CREB1: variants seen among roughly 807,000 people sequenced by gnomAD.
CREB1 encodes cAMP responsive element binding protein 1.
A neutral mutation model predicts 42.0 loss-of-function variants in CREB1; 2 were observed. The observed-to-expected ratio is 0.05, with a 90% CI of 0.02 to 0.15. The LOEUF (loss-of-function observed/expected upper bound fraction) is 0.15. Ranked by LOEUF, CREB1 falls within the 10% of genes least tolerant of loss-of-function variation. The probability of loss-of-function intolerance (pLI) is 1.00; values close to 1 mark genes in which losing one functional copy is unlikely to be tolerated. For synonymous variants in CREB1, 123 were observed against 139.9 expected, an observed-to-expected ratio of 0.88 and a Z score of 0.85; for missense variants, 199 against 388.9, an observed-to-expected ratio of 0.51 and a Z score of 4.11.
At chr2:207,571,552 T>A (rs1257816539) in intron 5 of CREB1, among the ~76,000 whole-genome samples, 1 of 152,192 alleles carries the variant, frequency 6.6e-6, no homozygotes, top group Non-Finnish European at 1.5e-5. Flanking sequence ...CTGTGCTCAA[T>A]TAGCTTAGTC....
Position 207,596,901 on chromosome 2 carries a change from C to CT in CREB1, c.840-9dup, listed in dbSNP as rs750928903. ...TCATTTGCATAATTTTTCCCGTCCT[C>CT]TTTTGCTTGTAGGGAAGCAGCTCGA... On this transcript the variant is annotated splice_polypyrimidine_tract_variant and intron_variant, in intron 7 of 7. Coordinates refer to ENST00000353267, the MANE Select transcript of CREB1 (RefSeq NM_004379.5). The CT allele has an allele frequency of 6.3e-7, 1 of 1,596,672 alleles. No homozygotes were observed. Among genetic ancestry groups the CT allele is most frequent in the Non-Finnish European group, 8.5e-7 (1 of 1,175,686 alleles).
intron 4 of CREB1, among the ~76,000 whole-genome samples, chr2:207,569,675 A>G (rs1370598645): frequency 6.6e-6 from 1 of 151,338 alleles, no homozygotes; most frequent in Non-Finnish European, 1.5e-5. Flanking sequence ...TTGTTTTTGT[A>G]CATATTTGGG....
intron 7 of CREB1, among the ~76,000 whole-genome samples, chr2:207,584,450 C>G (rs561973052): frequency 5.3e-5 from 8 of 152,284 alleles, no homozygotes; most frequent in African/African-American, 1.7e-4. Flanking sequence ...GTCACCCAGG[C>G]TGGAGTGCAG....
chr2:207,559,241 CTG>C, intron 2 of CREB1: 3 of 932,150 alleles, frequency 3.2e-6, no homozygotes, highest in Non-Finnish European at 3.8e-6. Context: ...GCTTGAAATT[CTG>C]TGACTCTTCC....
chr2:207,530,597 G>A lies in CREB1; in HGVS notation c.-9+463G>A, dbSNP rs569189154. 2.7e-5 allele frequency among the ~76,000 whole-genome samples: 4 copies of A among 147,906 alleles called. No homozygotes were observed. The South Asian group carries it at 8.3e-4, about 31-fold the overall frequency. On this transcript the variant is annotated intron_variant, in intron 1 of 7. Coordinates refer to ENST00000353267, the MANE Select transcript of CREB1 (RefSeq NM_004379.5). ...CTCGCTCGTCCGGCCCCCGCCGCCC[G>A]CCTCGCCCCCGGCCCGACCCGGCCG...
chr2:207,565,038 G>T (rs1444635579), intron 3 of CREB1, among the ~76,000 whole-genome samples: 1 of 144,854 alleles, frequency 6.9e-6, no homozygotes, highest in Admixed American at 6.9e-5. Context: ...GGTCCAGTAT[G>T]TTTTTTTTTT....
chr2:207,584,022 T>C (rs1190987671), intron 7 of CREB1, among the ~76,000 whole-genome samples: 2 of 152,240 alleles, frequency 1.3e-5, no homozygotes, highest in South Asian at 2.1e-4. Flanking sequence ...TTGGGACTTA[T>C]CCCAGATAAT....
At chr2:207,588,741 T>TGTG (rs1559069651) in intron 7 of CREB1, among the ~76,000 whole-genome samples, 5 of 137,760 alleles carry the variant, frequency 3.6e-5, no homozygotes, top group Non-Finnish European at 8.1e-5. Context: ...TTTTTTTTTT[T>TGTG]TGTGTGTGGG....
intron 7 of CREB1, 112 bp downstream of exon 7, chr2:207,577,767 T>A (rs1211884770): frequency 7.4e-7 from 1 of 1,346,874 alleles, no homozygotes; most frequent in Non-Finnish European, 1.0e-6. Context: ...GAATTTTTTT[T>A]TTCCAGCAGA....
intron 7 of CREB1, among the ~76,000 whole-genome samples, chr2:207,585,625 T>C (rs1288109931): frequency 6.6e-6 from 1 of 152,110 alleles, no homozygotes; most frequent in African/African-American, 2.4e-5. Flanking sequence ...TTGAAAATAA[T>C]GATCTTAAGA....
chr2:207,538,184 T>C (rs2080951286), intron 1 of CREB1, among the ~76,000 whole-genome samples: 1 of 152,200 alleles, frequency 6.6e-6, no homozygotes, highest in Non-Finnish European at 1.5e-5. Context: ...TATTATATTT[T>C]GCCCAGATGT....
intron 7 of CREB1, among the ~76,000 whole-genome samples, chr2:207,584,602 A>G (rs1261484968): frequency 6.6e-6 from 1 of 152,112 alleles, no homozygotes; most frequent in Non-Finnish European, 1.5e-5. Flanking sequence ...GGGTTTCGCC[A>G]TGTTGGCCAG....
chr2:207,591,448 A>G (rs2085008217), intron 7 of CREB1, among the ~76,000 whole-genome samples: 1 of 152,134 alleles, frequency 6.6e-6, no homozygotes, highest in Admixed American at 6.6e-5. Context: ...GTTTGTTGAG[A>G]CAGAATCTTG....
chr2:207,551,911 G>A (rs868424773), intron 1 of CREB1, among the ~76,000 whole-genome samples: 6 of 151,600 alleles, frequency 4.0e-5, no homozygotes, highest in Admixed American at 6.6e-5. Context: ...GCATGGTGGC[G>A]GGTGCCTGTA....
intron 1 of CREB1, among the ~76,000 whole-genome samples, chr2:207,548,453 T>C (rs1441518285): frequency 6.6e-6 from 1 of 152,160 alleles, no homozygotes; most frequent in Admixed American, 6.5e-5. Context: ...TTAAATAATA[T>C]TGAAAAGATT....
At position 207,597,886 on chromosome 2, in the gene CREB1, G is replaced by A. The variant is rs182205610; in HGVS notation, c.*828G>A. Reference sequence around the variant, plus strand: ...AGTACTAAATTCTTAGTAAAATGCTGATCAGTAAACCAATCCCTTGAGTTA... The same window carrying A: ...AGTACTAAATTCTTAGTAAAATGCTAATCAGTAAACCAATCCCTTGAGTTA... On this transcript the variant is annotated 3_prime_UTR_variant, in exon 8 of 8. Coordinates refer to ENST00000353267, the MANE Select transcript of CREB1 (RefSeq NM_004379.5). 34 of 188,848 alleles carry A rather than the reference G, an allele frequency of 1.8e-4. No homozygotes were observed. The East Asian group carries it at 2.6e-3, about 14-fold the overall frequency. The allele number at this position is 188,848 out of a possible 1,614,324, so 11.7% of individuals were successfully genotyped here.
intron 7 of CREB1, among the ~76,000 whole-genome samples, chr2:207,586,117 A>C (rs2083789046): frequency 6.6e-6 from 1 of 152,220 alleles, no homozygotes; most frequent in Non-Finnish European, 1.5e-5. Context: ...TGGAACCAAA[A>C]ACAGCCCAAA....
chr2:207,532,528 C>T (rs561352092), intron 1 of CREB1, among the ~76,000 whole-genome samples: 1 of 151,608 alleles, frequency 6.6e-6, no homozygotes, highest in African/African-American at 2.4e-5. Flanking sequence ...CAAAAATTAG[C>T]TGGGTGTCGT....
At chr2:207,532,130 G>A (rs2080660871) in intron 1 of CREB1, among the ~76,000 whole-genome samples, 1 of 151,664 alleles carries the variant, frequency 6.6e-6, no homozygotes, top group African/African-American at 2.4e-5. Context: ...CGAGGCGGGC[G>A]GATCACTTGA....
Sources: gnomAD v4.1 joint callset for allele counts (sites outside exome capture counted in the v4.1 genomes callset) on GRCh38, gnomAD v4.1.1 for gene constraint, MANE v1.5 for transcripts, NCBI Gene and HGNC (gene_info 2026-07-23, HGNC 2026-07-21) for gene names.